The following RAPGEF2 variants were observed in gnomAD, a reference collection of about 807,000 sequenced individuals.
RAPGEF2 encodes Rap guanine nucleotide exchange factor 2.
Under a neutral mutation model 186.7 loss-of-function variants are expected in RAPGEF2, and 54 were observed. The ratio of observed to expected loss-of-function variants is 0.29; its 90% CI spans 0.23 to 0.36. The LOEUF (loss-of-function observed/expected upper bound fraction) is 0.36, where lower values mean the gene tolerates loss of function less well. RAPGEF2 is among the 10% of genes least tolerant of loss of function. The pLI, the probability that RAPGEF2 is intolerant of heterozygous loss-of-function variation, is 1.00. For synonymous variants in RAPGEF2, 712 were observed against 705.9 expected (o/e 1.01, Z -0.14); for missense variants, 1,532 against 2,045.0 (o/e 0.75, Z 4.84).
At chr4:159,182,373 ATTTTC>A (rs1250465507) in intron 1 of RAPGEF2, among the ~76,000 whole-genome samples, 1 of 109,752 alleles carries the variant, frequency 9.1e-6, no homozygotes, top group Non-Finnish European at 2.0e-5. Flanking sequence ...GCTTCCTAGT[ATTTTC>A]TTTTCTTCTT....
intron 29 of RAPGEF2, 137 bp from the exon 30 acceptor site, chr4:159,357,977 C>T: frequency 1.2e-6 from 1 of 813,558 alleles, no homozygotes; most frequent in Non-Finnish European, 1.8e-6. Flanking sequence ...GAAAAAAAGA[C>T]AAGGATTCTA....
At chr4:159,355,307 G>A (rs113961654) in intron 28 of RAPGEF2, among the ~76,000 whole-genome samples, 2,367 of 152,224 alleles carry the variant, frequency 0.016, 67 homozygotes, top group African/African-American at 0.054. Flanking sequence ...TCCTTTGTGC[G>A]ACTTTTCCAA....
chr4:159,170,269 A>G (rs181839709), intron 1 of RAPGEF2, among the ~76,000 whole-genome samples: 12 of 151,890 alleles, frequency 7.9e-5, no homozygotes, highest in African/African-American at 2.7e-4. Context: ...TTTTTTTGCT[A>G]TTGAGTTGTT....
At chr4:159,244,991 T>G (rs1050191106) in intron 7 of RAPGEF2, among the ~76,000 whole-genome samples, 5 of 152,028 alleles carry the variant, frequency 3.3e-5, no homozygotes, top group Admixed American at 2.0e-4. Flanking sequence ...AAGAGTACAC[T>G]TAAAATATAT....
chr4:159,236,402 G>A (rs183528653), intron 4 of RAPGEF2, among the ~76,000 whole-genome samples: 24 of 152,216 alleles, frequency 1.6e-4, no homozygotes, highest in Admixed American at 3.9e-4. Context: ...GAGGATTTAC[G>A]CCTTAAATCC....
rs114219818 is a variant in RAPGEF2 at position 159,216,050 on chromosome 4, G to A, written c.281+5467G>A. On this transcript the variant is annotated intron_variant, in intron 4 of 29. Coordinates refer to ENST00000691494, the MANE Select transcript of RAPGEF2 (RefSeq NM_001394067.2). The stretch of plus-strand genomic sequence containing the variant: ...AGTGGGAACTGCTGTACTGTGAAGT[G>A]CCATCAAAATTGAGGTTTGCTTCAA... 4.2e-3 allele frequency among the ~76,000 whole-genome samples: 637 copies of A among 152,280 alleles called. 3 individuals carry two copies. The highest frequency in any genetic ancestry group is 0.014 in the African/African-American group (567 of 41,558).
At chr4:159,342,297 C>T (rs968296317) in intron 20 of RAPGEF2, among the ~76,000 whole-genome samples, 13 of 151,490 alleles carry the variant, frequency 8.6e-5, no homozygotes, top group Admixed American at 3.9e-4. Context: ...ATAACAATAC[C>T]GCAAAGAGTT....
intron 7 of RAPGEF2, among the ~76,000 whole-genome samples, chr4:159,271,005 T>A (rs1561183502): frequency 1.3e-5 from 2 of 152,366 alleles, no homozygotes; most frequent in Non-Finnish European, 2.9e-5. Context: ...AAATGTATTA[T>A]GAGACTGCAT....
intron 7 of RAPGEF2, among the ~76,000 whole-genome samples, chr4:159,271,301 T>A (rs1160912126): frequency 6.6e-6 from 1 of 152,234 alleles, no homozygotes; most frequent in Non-Finnish European, 1.5e-5. Flanking sequence ...AACATGGTTT[T>A]AAATTTTACA....
At chr4:159,150,491 A>G (rs961918941) in intron 1 of RAPGEF2, among the ~76,000 whole-genome samples, 44 of 152,208 alleles carry the variant, frequency 2.9e-4, no homozygotes, top group African/African-American at 1.0e-3. Context: ...ACAAGACAGC[A>G]CTTCAGCATT....
chr4:159,105,921 A>T (rs935428848), intron 1 of RAPGEF2, among the ~76,000 whole-genome samples: 3 of 152,224 alleles, frequency 2.0e-5, no homozygotes, highest in Admixed American at 1.3e-4. Context: ...GAAGTGGTGC[A>T]TTTGGTTGAT....
intron 7 of RAPGEF2, among the ~76,000 whole-genome samples, chr4:159,301,540 TTCTGC>T (rs1762675350): frequency 5.3e-5 from 8 of 152,182 alleles, no homozygotes; most frequent in African/African-American, 1.9e-4. Flanking sequence ...TTTCATGCCA[TTCTGC>T]AAAGAACACA....
At chr4:159,273,626 G>GTTTTTCTTTC (rs778233990) in intron 7 of RAPGEF2, among the ~76,000 whole-genome samples, 6 of 100,740 alleles carry the variant, frequency 6.0e-5, no homozygotes, top group African/African-American at 1.1e-4. Flanking sequence ...TCAGTAATCA[G>GTTTTTCTTTC]TTTCTTTCTT....
intron 1 of RAPGEF2, among the ~76,000 whole-genome samples, chr4:159,121,779 G>C (rs140584530): frequency 0.024 from 3,645 of 151,332 alleles, 139 homozygotes; most frequent in African/African-American, 0.083. Context: ...GCCTGTAATC[G>C]CAGCACTTTG....
intron 1 of RAPGEF2, among the ~76,000 whole-genome samples, chr4:159,148,427 T>C (rs1743171813): frequency 6.6e-6 from 1 of 152,240 alleles, no homozygotes; most frequent in East Asian, 1.9e-4. Flanking sequence ...GAAAGTGTTA[T>C]GATTCCTTAA....
intron 7 of RAPGEF2, among the ~76,000 whole-genome samples, chr4:159,261,042 A>G (rs1376473343): frequency 6.6e-6 from 1 of 150,920 alleles, no homozygotes; most frequent in Non-Finnish European, 1.5e-5. Context: ...GGCGTGAGCC[A>G]CTGTGCCCCA....
At chr4:159,292,310 G>T (rs1256603009) in intron 7 of RAPGEF2, among the ~76,000 whole-genome samples, 1 of 152,098 alleles carries the variant, frequency 6.6e-6, no homozygotes, top group Admixed American at 6.6e-5. Flanking sequence ...TTGGGCTTTT[G>T]CTCTTAGTGT....
At chr4:159,123,602 G>A (rs1323358314) in intron 1 of RAPGEF2, among the ~76,000 whole-genome samples, 1 of 146,964 alleles carries the variant, frequency 6.8e-6, no homozygotes, top group African/African-American at 2.5e-5. Context: ...GCAGTGGCTC[G>A]ATCTCAGCTG....
intron 4 of RAPGEF2, among the ~76,000 whole-genome samples, chr4:159,214,750 G>A (rs1750844078): frequency 6.6e-6 from 1 of 151,608 alleles, no homozygotes; most frequent in Non-Finnish European, 1.5e-5. Context: ...TGTTAAAGAA[G>A]GAGATAGTTT....
Sources: gnomAD v4.1 joint callset for allele counts (sites outside exome capture counted in the v4.1 genomes callset) on GRCh38, gnomAD v4.1.1 for gene constraint, MANE v1.5 for transcripts, NCBI Gene and HGNC (gene_info 2026-07-23, HGNC 2026-07-21) for gene names.